The following PCDH15 variants were observed in gnomAD, a reference collection of about 807,000 sequenced individuals.
The protein encoded by PCDH15 is protocadherin-15.
Under a neutral mutation model 178.5 loss-of-function variants are expected in PCDH15, and 129 were observed. The observed-to-expected ratio is 0.72, with a 90% CI of 0.63 to 0.84. The LOEUF is 0.84. PCDH15 is among the 40% of genes least tolerant of loss of function. The probability of loss-of-function intolerance (pLI) is 0.00; values close to 1 mark genes in which losing one functional copy is unlikely to be tolerated. For missense variants in PCDH15, 2,230 were observed against 2,099.9 expected (o/e 1.06, Z -1.21); for synonymous variants, 800 against 732.0 (o/e 1.09, Z -1.50).
At chr10:54,939,788 C>A (rs538392608) in intron 2 of PCDH15, among the ~76,000 whole-genome samples, 1 of 152,180 alleles carries the variant, frequency 6.6e-6, no homozygotes, top group South Asian at 2.1e-4. Context: ...AGAAACAATG[C>A]CTTTTTGTTG....
At chr10:55,419,365 A>G (rs1290485672) in intron 2 of PCDH15, among the ~76,000 whole-genome samples, 3 of 151,824 alleles carry the variant, frequency 2.0e-5, no homozygotes, top group Non-Finnish European at 4.4e-5. Context: ...CCAGCATTAC[A>G]AAACTCCACA....
At chr10:55,363,648 G>A (rs777810355) in intron 2 of PCDH15, among the ~76,000 whole-genome samples, 1 of 151,928 alleles carries the variant, frequency 6.6e-6, no homozygotes, top group Non-Finnish European at 1.5e-5. Flanking sequence ...TGGTTGGGAT[G>A]TGGGGGGACG....
chr10:55,357,915 A>T (rs185081885), intron 2 of PCDH15, among the ~76,000 whole-genome samples: 4 of 152,236 alleles, frequency 2.6e-5, no homozygotes, highest in Admixed American at 2.6e-4. Context: ...GATCCTAAAC[A>T]TATCATTTAT....
intron 23 of PCDH15, among the ~76,000 whole-genome samples, chr10:53,942,281 G>A (rs2086134517): frequency 2.0e-5 from 2 of 101,622 alleles, no homozygotes; most frequent in South Asian, 3.8e-4. Context: ...TTATTTTACT[G>A]TCCTGCATTT....
chr10:54,530,976 A>C (rs1260740819), intron 2 of PCDH15, among the ~76,000 whole-genome samples: 1 of 152,214 alleles, frequency 6.6e-6, no homozygotes. Flanking sequence ...TTATATTTAG[A>C]ATTGTCTTGG....
intron 15 of PCDH15, among the ~76,000 whole-genome samples, chr10:54,119,452 AG>A (rs1247959597): frequency 1.3e-5 from 2 of 152,146 alleles, no homozygotes; most frequent in Non-Finnish European, 1.5e-5. Context: ...TAAAGAAAAA[AG>A]AATTTTTTAA....
At chr10:55,253,962 G>C (rs1242470598) in intron 1 of PCDH15, among the ~76,000 whole-genome samples, 1 of 152,138 alleles carries the variant, frequency 6.6e-6, no homozygotes, top group Non-Finnish European at 1.5e-5. Flanking sequence ...ACAAAATGCT[G>C]GTGAGCCACT....
At chr10:54,718,512 C>T (rs566138728) in intron 1 of PCDH15, among the ~76,000 whole-genome samples, 82 of 151,928 alleles carry the variant, frequency 5.4e-4, no homozygotes, top group African/African-American at 1.9e-3. Flanking sequence ...GCCAGAAGGA[C>T]CCTACAAATC....
At chr10:54,241,118 C>T (rs1446735963) in intron 8 of PCDH15, among the ~76,000 whole-genome samples, 1 of 152,116 alleles carries the variant, frequency 6.6e-6, no homozygotes, top group East Asian at 1.9e-4. Context: ...TTTGTAATAT[C>T]CACTAGCAGA....
chr10:55,262,982 G>C (rs138589050), intron 1 of PCDH15, among the ~76,000 whole-genome samples: 47 of 152,218 alleles, frequency 3.1e-4, no homozygotes, highest in South Asian at 8.3e-4. Context: ...CCATCTGCAT[G>C]CTCCCCTAGA....
intron 1 of PCDH15, among the ~76,000 whole-genome samples, chr10:55,227,055 T>G (rs375875142): frequency 2.0e-5 from 3 of 152,000 alleles, no homozygotes; most frequent in African/African-American, 7.2e-5. Context: ...CATTCCACAA[T>G]GTATATACAT....
At chr10:55,402,501 C>A (rs1838095425) in intron 2 of PCDH15, among the ~76,000 whole-genome samples, 1 of 151,846 alleles carries the variant, frequency 6.6e-6, no homozygotes, top group South Asian at 2.1e-4. Context: ...ACCCACTAAC[C>A]AACCTTTCCT....
At chr10:54,803,912 C>G (rs183989155), upstream of PCDH15, among the ~76,000 whole-genome samples, 1 of 152,056 alleles carries the variant, frequency 6.6e-6, no homozygotes, top group Non-Finnish European at 1.5e-5. Context: ...ATCATTAAAT[C>G]TATCAACTAT....
At chr10:54,530,750 A>G (rs766401751) in intron 2 of PCDH15, among the ~76,000 whole-genome samples, 10 of 152,186 alleles carry the variant, frequency 6.6e-5, no homozygotes, top group Non-Finnish European at 1.2e-4. Flanking sequence ...CCAATAAAAC[A>G]TTCTTTATAT....
At chr10:55,109,864 CA>C (rs1837452908) in intron 2 of PCDH15, among the ~76,000 whole-genome samples, 1 of 151,682 alleles carries the variant, frequency 6.6e-6, no homozygotes, top group South Asian at 2.1e-4. Flanking sequence ...TCCAAATTAA[CA>C]AAATTACATA....
intron 13 of PCDH15, among the ~76,000 whole-genome samples, chr10:54,164,460 G>C (rs893726385): frequency 6.6e-6 from 1 of 152,172 alleles, no homozygotes; most frequent in Non-Finnish European, 1.5e-5. Context: ...GGATTTGCCA[G>C]AGAAAGAATT....
intron 1 of PCDH15, among the ~76,000 whole-genome samples, chr10:54,726,102 T>C (rs1942456595): frequency 6.6e-6 from 1 of 151,478 alleles, no homozygotes; most frequent in African/African-American, 2.4e-5. Context: ...TTATTTAAAT[T>C]CTCCCTCCCC....
intron 3 of PCDH15, among the ~76,000 whole-genome samples, chr10:54,524,925 T>C (rs2083232413): frequency 6.6e-6 from 1 of 152,174 alleles, no homozygotes; most frequent in East Asian, 1.9e-4. Context: ...GATCAGGAAT[T>C]GAAAGCATCT....
In PCDH15 at chr10:54,638,168, G is replaced by A. The variant is rs574221879; in HGVS notation, c.91+26004C>T. ...GAACCCTGATGACTGATGGTCTCAT[G>A]AAAAAAAAGATCTTTATTTTCAGCT... On this transcript the variant is annotated intron_variant, in intron 2 of 37. Coordinates refer to ENST00000644397, the MANE Select transcript of PCDH15 (RefSeq NM_001384140.1). Among the ~76,000 whole-genome samples the A allele has an allele frequency of 2.0e-5, 3 of 151,384 alleles. No individual in the cohort carries two copies. In the South Asian group the frequency reaches 6.3e-4, roughly 32 times the overall value.
Sources: gnomAD v4.1 joint callset for allele counts (sites outside exome capture counted in the v4.1 genomes callset) on GRCh38, gnomAD v4.1.1 for gene constraint, MANE v1.5 for transcripts, NCBI Gene and HGNC (gene_info 2026-07-23, HGNC 2026-07-21) for gene names.